Variants in ARHGEF28 observed in about 807,000 individuals in gnomAD.
ARHGEF28 encodes the protein 190 kDa guanine nucleotide exchange factor.
A neutral mutation model predicts 206.6 loss-of-function variants in ARHGEF28; 152 were observed. The ratio of observed to expected loss-of-function variants is 0.74; its 90% confidence interval spans 0.64 to 0.84. The LOEUF is 0.84. Ranked by LOEUF, ARHGEF28 falls within the 40% of genes least tolerant of loss-of-function variation. ARHGEF28 has a pLI of 0.00. For synonymous variants in ARHGEF28, 763 were observed against 776.4 expected (o/e 0.98, Z 0.29); for missense variants, 2,028 against 2,073.2 (o/e 0.98, Z 0.42).
chr5:73,734,099 C>T (rs1173701439), intron 2 of ARHGEF28, among the ~76,000 whole-genome samples: 1 of 152,128 alleles, frequency 6.6e-6, no homozygotes, highest in Non-Finnish European at 1.5e-5. Context: ...GCCCCACCCC[C>T]AACACTGGGG....
intron 9 of ARHGEF28, among the ~76,000 whole-genome samples, chr5:73,830,900 T>C (rs1223952574): frequency 2.0e-5 from 3 of 152,180 alleles, no homozygotes; most frequent in Admixed American, 6.5e-5. Context: ...GTGACATTTC[T>C]AATGGACTAA....
intron 2 of ARHGEF28, among the ~76,000 whole-genome samples, chr5:73,709,696 C>T (rs73762166): frequency 6.6e-6 from 1 of 152,148 alleles, no homozygotes; most frequent in Non-Finnish European, 1.5e-5. Context: ...TGACTGCCCT[C>T]AGCATTCCTT....
intron 10 of ARHGEF28, among the ~76,000 whole-genome samples, chr5:73,835,531 G>A (rs1258024358): frequency 1.3e-5 from 2 of 152,014 alleles, no homozygotes; most frequent in Non-Finnish European, 1.5e-5. Context: ...GAATACATGG[G>A]GGTTCCTGGA....
chr5:73,851,934 G>GTGAAGGATTTGTCC (rs552192466), intron 13 of ARHGEF28, among the ~76,000 whole-genome samples: 65 of 152,214 alleles, frequency 4.3e-4, no homozygotes, highest in African/African-American at 1.5e-3. Context: ...GATTGTGAGA[G>GTGAAGGATTTGTCC]TGAAGGATTT....
chr5:73,753,844 C>G (rs1178066700), intron 4 of ARHGEF28, among the ~76,000 whole-genome samples: 2 of 152,010 alleles, frequency 1.3e-5, no homozygotes, highest in African/African-American at 4.8e-5. Flanking sequence ...AAAATAAAAT[C>G]TTTTTTTGAG....
intron 7 of ARHGEF28, among the ~76,000 whole-genome samples, chr5:73,789,827 G>A (rs1292577376): frequency 6.6e-6 from 1 of 152,056 alleles, no homozygotes; most frequent in Non-Finnish European, 1.5e-5. Context: ...CACAGCTGAG[G>A]AACCCCAAAC....
chr5:73,909,403 C>G lies in ARHGEF28; in HGVS notation c.4162-9C>G. ...TGTTCAGTGATTTTTCCTCTGTCTG[C>G]TCTGACAGGCCGCCTTGACCATTCA... On this transcript the variant is annotated splice_polypyrimidine_tract_variant and intron_variant, in intron 33 of 35. Transcript: ENST00000513042. 1 of 1,588,106 alleles carries G rather than the reference C, an allele frequency of 6.3e-7. No homozygotes were observed. The highest frequency in any genetic ancestry group is 1.1e-5 in the South Asian group (1 of 88,344).
At chr5:73,851,933 A>G (rs1375674280) in intron 13 of ARHGEF28, among the ~76,000 whole-genome samples, 1 of 152,046 alleles carries the variant, frequency 6.6e-6, no homozygotes, top group Non-Finnish European at 1.5e-5. Flanking sequence ...GGATTGTGAG[A>G]GTGAAGGATT....
intron 9 of ARHGEF28, among the ~76,000 whole-genome samples, chr5:73,797,477 T>C (rs533735265): frequency 3.3e-5 from 5 of 152,342 alleles, no homozygotes; most frequent in African/African-American, 9.6e-5. Context: ...CTTGGCTCAC[T>C]GCAACTTCTG....
chr5:73,690,016 G>T (rs1377198153), intron 2 of ARHGEF28, among the ~76,000 whole-genome samples: 2 of 152,082 alleles, frequency 1.3e-5, no homozygotes, highest in African/African-American at 2.4e-5. Context: ...TAAAAGTTCT[G>T]TACTGGAAAT....
At chr5:73,777,577 T>C (rs1250617108) in intron 6 of ARHGEF28, among the ~76,000 whole-genome samples, 1 of 152,208 alleles carries the variant, frequency 6.6e-6, no homozygotes, top group African/African-American at 2.4e-5. Context: ...GCCAAAAACA[T>C]TATGTATCAA....
intron 1 of ARHGEF28, among the ~76,000 whole-genome samples, chr5:73,672,447 C>A (rs1268118298): frequency 3.9e-5 from 6 of 152,188 alleles, no homozygotes; most frequent in Admixed American, 3.3e-4. Context: ...CATCCTCTAG[C>A]TTCTCATGGA....
At position 73,764,975 on chromosome 5, in the gene ARHGEF28, C is replaced by G. The variant is rs1477222510; in HGVS notation, c.476-8880C>G. On this transcript the variant is annotated intron_variant, in intron 4 of 35. Coordinates refer to ENST00000513042, the MANE Select transcript of ARHGEF28 (RefSeq NM_001177693.2). ...CATGCCAAATTCTCTCTTCTACTCT[C>G]TATGTAAATTTTTAATAATTTTTTT... Among the ~76,000 whole-genome samples, 5 of 152,186 alleles carry G rather than the reference C, an allele frequency of 3.3e-5. No individual in the cohort carries two copies. In the East Asian group the frequency reaches 9.6e-4, roughly 29 times the overall value.
intron 2 of ARHGEF28, among the ~76,000 whole-genome samples, chr5:73,707,996 C>T (rs2112301658): frequency 6.6e-6 from 1 of 152,100 alleles, no homozygotes. Context: ...GGAAATTTGG[C>T]TATCATGATC....
intron 2 of ARHGEF28, among the ~76,000 whole-genome samples, chr5:73,687,125 A>G (rs146494427): frequency 1.3e-5 from 2 of 152,274 alleles, no homozygotes; most frequent in Admixed American, 6.5e-5. Context: ...CTGGTGCTAC[A>G]TAAATTAATT....
chr5:73,722,733 C>G (rs1017743328), intron 2 of ARHGEF28, among the ~76,000 whole-genome samples: 5 of 152,056 alleles, frequency 3.3e-5, no homozygotes, highest in African/African-American at 1.2e-4. Flanking sequence ...ATGATAAATC[C>G]TTATTCATTC....
At chr5:73,761,027 A>T (rs932645155) in intron 4 of ARHGEF28, among the ~76,000 whole-genome samples, 7 of 152,228 alleles carry the variant, frequency 4.6e-5, no homozygotes, top group Admixed American at 2.0e-4. Context: ...TCCCTCAATT[A>T]TAATTTTCAA....
intron 35 of ARHGEF28, among the ~76,000 whole-genome samples, chr5:73,923,451 T>TAGA (rs1763630629): frequency 6.6e-6 from 1 of 152,186 alleles, no homozygotes. Context: ...ATGCTACTGG[T>TAGA]AGAAGTTATC....
chr5:73,867,486 T>A (rs1580008013), intron 18 of ARHGEF28, among the ~76,000 whole-genome samples: 2 of 152,316 alleles, frequency 1.3e-5, no homozygotes, highest in East Asian at 1.9e-4. Context: ...GGATGCTTGT[T>A]TATACACACA....
Sources: gnomAD v4.1 joint callset for allele counts (sites outside exome capture counted in the v4.1 genomes callset) on GRCh38, gnomAD v4.1.1 for gene constraint, MANE v1.5 for transcripts, NCBI Gene and HGNC (gene_info 2026-07-23, HGNC 2026-07-21) for gene names.